RABGAP1L: variants seen among roughly 807,000 people sequenced by gnomAD.
The protein encoded by RABGAP1L is RAB GTPase activating protein 1 like.
In RABGAP1L, 63 loss-of-function variants were observed where a neutral mutation model predicts 137.7. The ratio of observed to expected loss-of-function variants is 0.46; its 90% CI spans 0.37 to 0.56. The LOEUF (loss-of-function observed/expected upper bound fraction) is 0.56, where lower values mean the gene tolerates loss of function less well. Ranked by LOEUF, RABGAP1L falls within the 20% of genes least tolerant of loss-of-function variation. The pLI is 0.00. For synonymous variants in RABGAP1L, 431 were observed against 433.7 expected, an observed-to-expected ratio of 0.99 and a Z score of 0.08; for missense variants, 1,095 against 1,244.0, an observed-to-expected ratio of 0.88 and a Z score of 1.80.
Position 174,897,441 on chromosome 1 carries a change from A to G in RABGAP1L, c.2341-60016A>G, listed in dbSNP as rs934308599. On this transcript the variant is annotated intron_variant, in intron 19 of 25. Coordinates refer to ENST00000681986, the MANE Select transcript of RABGAP1L (RefSeq NM_001366446.1). ...ATTGTTAATTCATACTGAAATATTC[A>G]CTTACCTCTGATCTATTTAAGCCAA... The G allele has an allele frequency of 3.3e-5, 5 of 152,172 alleles. 1 individual carries two copies. Among genetic ancestry groups the G allele is most frequent in the Admixed American group, 3.3e-4 (5 of 15,278 alleles). The allele number at this position is 152,172 out of a possible 1,614,324, so 9.4% of individuals were successfully genotyped here.
intron 24 of RABGAP1L, among the ~76,000 whole-genome samples, chr1:174,985,085 C>T (rs961719917): frequency 3.9e-5 from 6 of 152,158 alleles, no homozygotes; most frequent in Non-Finnish European, 8.8e-5. Flanking sequence ...GTAAACTTGT[C>T]TTAGCCAGAA....
chr1:174,192,318 GTTTTTTTTTTT>G (rs3056994), intron 1 of RABGAP1L, among the ~76,000 whole-genome samples: 10 of 112,930 alleles, frequency 8.9e-5, no homozygotes, highest in African/African-American at 3.6e-4. Context: ...TGTCTGAGGT[GTTTTTTTTTTT>G]TTTTTTTTTG....
At chr1:174,854,715 C>CTTTTTTTTTTTTTT (rs71117584) in intron 19 of RABGAP1L, among the ~76,000 whole-genome samples, 13 of 56,864 alleles carry the variant, frequency 2.3e-4, no homozygotes, top group East Asian at 3.0e-4. Context: ...AATATAAATG[C>CTTTTTTTTTTTTTT]TTTTTTTTTT....
Position 174,618,001 on chromosome 1 carries a change from C to T in RABGAP1L, c.1711-19374C>T, listed in dbSNP as rs115489110. On this transcript the variant is annotated intron_variant, in intron 13 of 25. Transcript: ENST00000681986. The stretch of plus-strand genomic sequence containing the variant: ...TGGCACACCTTTAGATTATAGCCCG[C>T]GCCTGGCTTGGAGGGTCCTATGCCC... Among the ~76,000 whole-genome samples the T allele has an allele frequency of 9.5e-3, 1,453 of 152,292 alleles. 24 individuals carry two copies. The highest frequency in any genetic ancestry group is 0.033 in the African/African-American group (1,379 of 41,542).
chr1:174,213,604 A>G (rs2148441141), intron 1 of RABGAP1L, among the ~76,000 whole-genome samples: 1 of 152,336 alleles, frequency 6.6e-6, no homozygotes, highest in Admixed American at 6.5e-5. Flanking sequence ...AAAACACAGG[A>G]ACACATTAGA....
At chr1:174,614,920 C>T (rs1671655854) in intron 13 of RABGAP1L, among the ~76,000 whole-genome samples, 1 of 152,224 alleles carries the variant, frequency 6.6e-6, no homozygotes, top group South Asian at 2.1e-4. Flanking sequence ...CCTTGGCTTT[C>T]AGCTCCATCA....
At chr1:174,805,522 G>A (rs573823578) in intron 18 of RABGAP1L, among the ~76,000 whole-genome samples, 1 of 152,110 alleles carries the variant, frequency 6.6e-6, no homozygotes, top group South Asian at 2.1e-4. Context: ...TATTTTTGGA[G>A]ACAAAGTCTC....
At chr1:174,689,018 G>T (rs1678675736) in intron 15 of RABGAP1L, among the ~76,000 whole-genome samples, 1 of 151,946 alleles carries the variant, frequency 6.6e-6, no homozygotes, top group South Asian at 2.1e-4. Flanking sequence ...AAAGAGACAG[G>T]GATTTTCAGG....
intron 24 of RABGAP1L, among the ~76,000 whole-genome samples, chr1:174,986,588 C>G (rs1671610939): frequency 6.6e-6 from 1 of 152,234 alleles, no homozygotes; most frequent in South Asian, 2.1e-4. Context: ...ATTGCTCTAT[C>G]TTTGACATGT....
At chr1:174,459,022 G>A (rs1216771938) in intron 13 of RABGAP1L, among the ~76,000 whole-genome samples, 2 of 152,068 alleles carry the variant, frequency 1.3e-5, no homozygotes, top group Non-Finnish European at 1.5e-5. Context: ...ATTATTAATA[G>A]GCTCTTGGTA....
chr1:174,257,146 T>C (rs1214059318), intron 7 of RABGAP1L, among the ~76,000 whole-genome samples: 1 of 152,236 alleles, frequency 6.6e-6, no homozygotes, highest in Non-Finnish European at 1.5e-5. Flanking sequence ...CCTATCTTTA[T>C]GACATGCCTG....
intron 14 of RABGAP1L, among the ~76,000 whole-genome samples, chr1:174,651,613 C>T (rs1289147328): frequency 6.6e-6 from 1 of 152,078 alleles, no homozygotes; most frequent in African/African-American, 2.4e-5. Context: ...CTCTTTTGAT[C>T]TTTGTTGGTT....
At chr1:174,332,537 A>G (rs1006722492) in intron 11 of RABGAP1L, among the ~76,000 whole-genome samples, 1 of 152,154 alleles carries the variant, frequency 6.6e-6, no homozygotes, top group African/African-American at 2.4e-5. Context: ...CTGTGATTAC[A>G]GATGTGCACC....
At chr1:174,787,050 G>A (rs1687495820) in intron 18 of RABGAP1L, among the ~76,000 whole-genome samples, 1 of 152,136 alleles carries the variant, frequency 6.6e-6, no homozygotes, top group African/African-American at 2.4e-5. Context: ...TTATTGTAGG[G>A]TCATAAATGG....
chr1:174,643,747 GT>G (rs1177915802), intron 14 of RABGAP1L, among the ~76,000 whole-genome samples: 2 of 151,900 alleles, frequency 1.3e-5, no homozygotes, highest in African/African-American at 4.8e-5. Flanking sequence ...GTTTGATTTA[GT>G]TTTTTTCCTT....
chr1:174,490,933 A>C (rs577278401), intron 13 of RABGAP1L, among the ~76,000 whole-genome samples: 1 of 152,034 alleles, frequency 6.6e-6, no homozygotes, highest in East Asian at 1.9e-4. Flanking sequence ...CTTATGGTGA[A>C]TGTTGCCTGA....
intron 18 of RABGAP1L, among the ~76,000 whole-genome samples, chr1:174,808,343 A>G (rs574939567): frequency 5.1e-4 from 78 of 152,026 alleles, no homozygotes; most frequent in Non-Finnish European, 9.0e-4. Flanking sequence ...AGTCCTGGCT[A>G]CTCGGGAGCC....
chr1:174,190,804 T>G (rs1453429268), intron 1 of RABGAP1L, among the ~76,000 whole-genome samples: 1 of 152,264 alleles, frequency 6.6e-6, no homozygotes, highest in African/African-American at 2.4e-5. Context: ...CTCAGTAAGC[T>G]TAATCATTTC....
intron 11 of RABGAP1L, among the ~76,000 whole-genome samples, chr1:174,339,341 A>G (rs1681760993): frequency 1.3e-5 from 2 of 152,318 alleles, no homozygotes; most frequent in Non-Finnish European, 2.9e-5. Flanking sequence ...TGGTGAAGCT[A>G]GTATTTCATT....
Sources: allele counts gnomAD v4.1 joint callset (sites outside exome capture counted in the v4.1 genomes callset), GRCh38; gene constraint gnomAD v4.1.1; transcripts MANE v1.5; gene names NCBI Gene and HGNC (gene_info 2026-07-23, HGNC 2026-07-21).